The following ZBTB20 variants were observed in gnomAD, a reference collection of about 807,000 sequenced individuals.
ZBTB20 encodes zinc finger and BTB domain containing 20, also known as zinc finger and BTB domain-containing protein 20.
Under a neutral mutation model 56.9 loss-of-function variants are expected in ZBTB20, and 9 were observed. The ratio of observed to expected loss-of-function variants is 0.16; its 90% confidence interval spans 0.10 to 0.28. The LOEUF is 0.28. ZBTB20 is among the 10% of genes least tolerant of loss of function. The probability of loss-of-function intolerance (pLI) is 1.00; values close to 1 mark genes in which losing one functional copy is unlikely to be tolerated. For missense variants in ZBTB20, 655 were observed against 1,003.0 expected (o/e 0.65, Z 4.69); for synonymous variants, 417 against 420.7 (o/e 0.99, Z 0.11).
intron 7 of ZBTB20, among the ~76,000 whole-genome samples, chr3:114,437,931 G>A (rs1228691808): frequency 6.6e-6 from 1 of 152,080 alleles, no homozygotes; most frequent in Non-Finnish European, 1.5e-5. Context: ...CATCTCTGGG[G>A]TCTGCTCCAG....
At chr3:115,113,215 T>C (rs1446930569) in intron 1 of ZBTB20, among the ~76,000 whole-genome samples, 9 of 152,252 alleles carry the variant, frequency 5.9e-5, no homozygotes, top group East Asian at 3.8e-4. Context: ...ATGAATAGTT[T>C]GCAAGTATTT....
intron 3 of ZBTB20, among the ~76,000 whole-genome samples, chr3:114,938,180 G>C (rs2076611760): frequency 6.9e-6 from 1 of 144,104 alleles, no homozygotes; most frequent in Admixed American, 6.6e-5. Context: ...TTAGCCCTTT[G>C]TCAGATGGAT....
rs1487766337 is a variant in ZBTB20 at position 114,328,262 on chromosome 3, C to T, written c.*10743G>A. On this transcript the variant is annotated 3_prime_UTR_variant, in exon 12 of 12. Transcript: ENST00000675478. ...CAAAAAGGCAATAAATAAAAAAACT[C>T]TTCCTAATTTTTCCTACAATGTGTT... 2 of 152,052 alleles carry T rather than the reference C, an allele frequency of 1.3e-5. No individual in the cohort carries two copies. Among genetic ancestry groups the T allele is most frequent in the East Asian group, 3.9e-4 (2 of 5,174 alleles). 9.4% of individuals were successfully genotyped at this position (152,052 alleles called of 1,614,324 possible).
intron 6 of ZBTB20, among the ~76,000 whole-genome samples, chr3:114,545,966 A>G (rs371601071): frequency 1.2e-4 from 19 of 152,226 alleles, no homozygotes; most frequent in East Asian, 7.7e-4. Context: ...ATTTCTTTAC[A>G]TAATAGCTGT....
intron 1 of ZBTB20, among the ~76,000 whole-genome samples, chr3:115,077,572 GA>G (rs1482038470): frequency 6.6e-6 from 1 of 152,174 alleles, no homozygotes; most frequent in Non-Finnish European, 1.5e-5. Context: ...CCCAGACTAA[GA>G]GACACTTGAA....
At chr3:114,343,239 T>C (rs1020003205) in intron 11 of ZBTB20, among the ~76,000 whole-genome samples, 1 of 152,004 alleles carries the variant, frequency 6.6e-6, no homozygotes, top group African/African-American at 2.4e-5. Flanking sequence ...GCCATCCTAA[T>C]GGGTAAAGAC....
chr3:114,721,653 T>C (rs1233169331), intron 5 of ZBTB20, among the ~76,000 whole-genome samples: 1 of 152,166 alleles, frequency 6.6e-6, no homozygotes, highest in Non-Finnish European at 1.5e-5. Flanking sequence ...GAAGCCTGGA[T>C]TCAAACCCAG....
intron 6 of ZBTB20, among the ~76,000 whole-genome samples, chr3:114,598,516 G>T (rs978617724): frequency 4.0e-5 from 6 of 151,896 alleles, no homozygotes; most frequent in Admixed American, 1.3e-4. Context: ...ATTTATGATA[G>T]ATAGGCATAT....
chr3:114,920,211 A>T (rs776804198), intron 3 of ZBTB20, among the ~76,000 whole-genome samples: 2 of 152,226 alleles, frequency 1.3e-5, no homozygotes, highest in African/African-American at 2.4e-5. Context: ...TCAAAAATGG[A>T]TAGATCATAT....
Position 114,951,382 on chromosome 3 carries a change from T to A in ZBTB20, c.-456+22984A>T, listed in dbSNP as rs909650016. On this transcript the variant is annotated intron_variant, in intron 3 of 11. Coordinates refer to ENST00000675478, the MANE Select transcript of ZBTB20 (RefSeq NM_001348800.3). ...CTCCAGGAAAACTAAAAAATACTAA[T>A]GAGAGCACAGAGAAAAAGGGGCTGC... Among the ~76,000 whole-genome samples, 5 of 152,084 alleles carry A rather than the reference T, an allele frequency of 3.3e-5. No homozygotes were observed. In the South Asian group the frequency reaches 6.2e-4, roughly 19 times the overall value.
At chr3:114,638,360 G>A (rs35274143) in intron 6 of ZBTB20, among the ~76,000 whole-genome samples, 70 of 152,162 alleles carry the variant, frequency 4.6e-4, no homozygotes, top group Non-Finnish European at 9.0e-4. Context: ...AGAGATATCA[G>A]CACAGACTTT....
At chr3:114,796,358 C>T (rs2071342857) in intron 5 of ZBTB20, among the ~76,000 whole-genome samples, 1 of 151,802 alleles carries the variant, frequency 6.6e-6, no homozygotes. Context: ...ACATACAACC[C>T]GGTAGGTGAC....
chr3:114,454,399 T>C (rs941140792), intron 7 of ZBTB20, among the ~76,000 whole-genome samples: 1 of 150,656 alleles, frequency 6.6e-6, no homozygotes, highest in African/African-American at 2.4e-5. Flanking sequence ...CCACCCCCCG[T>C]TGTACTGCTT....
chr3:115,061,683 C>T (rs940309684), intron 2 of ZBTB20, among the ~76,000 whole-genome samples: 1 of 151,934 alleles, frequency 6.6e-6, no homozygotes, highest in African/African-American at 2.4e-5. Context: ...TAAAAGTTTA[C>T]GATTTTACAA....
rs1553785694 is a variant in ZBTB20, at chr3:114,331,136, T to TGC, written c.*7867_*7868dup. The TGC allele has an allele frequency of 2.4e-4, 36 of 151,266 alleles. No individual in the cohort carries two copies. The highest frequency in any genetic ancestry group is 7.4e-4 in the African/African-American group (30 of 40,362). 9.4% of individuals were successfully genotyped at this position (151,266 alleles called of 1,614,324 possible). Reference sequence around the variant, plus strand: ...GTGTGTGTGTGTGTGTGTGTGTGTGTGCACACTGCATTGCATAGAGGAAAG... The same window carrying TGC: ...GTGTGTGTGTGTGTGTGTGTGTGTGTGCGCACACTGCATTGCATAGAGGAAAG... On this transcript the variant is annotated 3_prime_UTR_variant, in exon 12 of 12. Transcript: ENST00000675478.
At chr3:114,565,039 A>G (rs1417309582) in intron 6 of ZBTB20, among the ~76,000 whole-genome samples, 1 of 152,170 alleles carries the variant, frequency 6.6e-6, no homozygotes, top group African/African-American at 2.4e-5. Flanking sequence ...TCATCAGCAC[A>G]TGCCCATCAT....
chr3:114,437,345 A>G (rs989862132), intron 7 of ZBTB20, among the ~76,000 whole-genome samples: 9 of 152,180 alleles, frequency 5.9e-5, no homozygotes, highest in African/African-American at 1.9e-4. Flanking sequence ...GGCGGTCAGC[A>G]AACTACAGCC....
intron 5 of ZBTB20, among the ~76,000 whole-genome samples, chr3:114,702,221 T>A (rs893884888): frequency 6.6e-6 from 1 of 152,102 alleles, no homozygotes; most frequent in Admixed American, 6.6e-5. Flanking sequence ...CACGTGCCTA[T>A]AGTCCCAGCT....
chr3:114,400,025 G>A (rs2086681372), intron 7 of ZBTB20, among the ~76,000 whole-genome samples: 1 of 152,074 alleles, frequency 6.6e-6, no homozygotes, highest in Non-Finnish European at 1.5e-5. Context: ...CTAATGAGTA[G>A]TAGAACTTAA....
Sources: allele counts gnomAD v4.1 joint callset (sites outside exome capture counted in the v4.1 genomes callset), GRCh38; gene constraint gnomAD v4.1.1; transcripts MANE v1.5; gene names NCBI Gene and HGNC (gene_info 2026-07-23, HGNC 2026-07-21).